Variants in THSD7B observed in about 807,000 individuals in gnomAD.
THSD7B encodes thrombospondin type 1 domain containing 7B, also known as thrombospondin type-1 domain-containing protein 7B.
A neutral mutation model predicts 213.6 loss-of-function variants in THSD7B; 138 were observed. The ratio of observed to expected loss-of-function variants is 0.65; its 90% CI spans 0.56 to 0.74. The LOEUF (loss-of-function observed/expected upper bound fraction) is 0.74, where lower values mean the gene tolerates loss of function less well. Ranked by LOEUF, THSD7B falls within the 30% of genes least tolerant of loss-of-function variation. The pLI is 0.00. For synonymous variants in THSD7B, 742 were observed against 687.0 expected (o/e 1.08, Z -1.25); for missense variants, 1,931 against 1,991.5 (o/e 0.97, Z 0.58).
intron 10 of THSD7B, among the ~76,000 whole-genome samples, chr2:137,245,904 T>C (rs1682021323): frequency 6.6e-6 from 1 of 152,206 alleles, no homozygotes; most frequent in African/African-American, 2.4e-5. Context: ...ATCTTATTAA[T>C]TGCAGATTCT....
intron 3 of THSD7B, among the ~76,000 whole-genome samples, chr2:137,081,038 G>A (rs763121491): frequency 2.0e-5 from 3 of 152,008 alleles, no homozygotes; most frequent in Non-Finnish European, 4.4e-5. Context: ...TTGCAGCCTT[G>A]ATTTGTATAC....
intron 2 of THSD7B, among the ~76,000 whole-genome samples, chr2:136,976,061 G>A (rs1431298999): frequency 3.3e-5 from 5 of 152,190 alleles, no homozygotes. Flanking sequence ...TGCTGAAGGT[G>A]CTTATCAGCT....
At chr2:137,231,545 C>G (rs536730843) in intron 8 of THSD7B, among the ~76,000 whole-genome samples, 7 of 151,948 alleles carry the variant, frequency 4.6e-5, no homozygotes, top group Non-Finnish European at 8.8e-5. Flanking sequence ...TTGATACACA[C>G]CCAAACCAAA....
At chr2:137,009,885 C>T (rs1686194357) in intron 2 of THSD7B, among the ~76,000 whole-genome samples, 1 of 152,218 alleles carries the variant, frequency 6.6e-6, no homozygotes, top group African/African-American at 2.4e-5. Context: ...AGCTCTATGT[C>T]TGGCACACAA....
In THSD7B at chr2:136,852,085, T is replaced by C. The variant is rs556695932; in HGVS notation, c.-35-30059T>C. On this transcript the variant is annotated intron_variant, in intron 1 of 27. Transcript: ENST00000409968. Reference sequence around the variant, plus strand: ...TTAAAATAGATGATCCTGGATTGTTTAAATGGGCCCAATCTAATCAGATGA... The same window carrying C: ...TTAAAATAGATGATCCTGGATTGTTCAAATGGGCCCAATCTAATCAGATGA... Among the ~76,000 whole-genome samples the C allele has an allele frequency of 3.4e-4, 52 of 152,130 alleles. 1 individual carries two copies. The South Asian group carries it at 0.01, about 30-fold the overall frequency.
chr2:137,514,073 T>C (rs1047666335), intron 15 of THSD7B, among the ~76,000 whole-genome samples: 2 of 152,218 alleles, frequency 1.3e-5, no homozygotes, highest in African/African-American at 2.4e-5. Context: ...TGAAAATTGA[T>C]AAATTCCTTG....
intron 7 of THSD7B, among the ~76,000 whole-genome samples, chr2:137,173,513 A>G (rs1680304063): frequency 6.6e-6 from 1 of 152,208 alleles, no homozygotes; most frequent in South Asian, 2.1e-4. Context: ...TTTCTTGCTT[A>G]TTCCTGTGAA....
intron 17 of THSD7B, among the ~76,000 whole-genome samples, chr2:137,588,964 G>C (rs1681805542): frequency 6.6e-6 from 1 of 151,958 alleles, no homozygotes; most frequent in African/African-American, 2.4e-5. Flanking sequence ...ATTTTTAGTA[G>C]AGATGGGGTT....
chr2:137,005,199 T>G (rs1686080218), intron 2 of THSD7B, among the ~76,000 whole-genome samples: 1 of 152,238 alleles, frequency 6.6e-6, no homozygotes, highest in African/African-American at 2.4e-5. Context: ...GTGATTTCAG[T>G]GCTCAGCCAA....
chr2:137,080,674 A>C (rs918331481), intron 3 of THSD7B, among the ~76,000 whole-genome samples: 14 of 152,000 alleles, frequency 9.2e-5, no homozygotes, highest in African/African-American at 3.1e-4. Context: ...CTATAATTTT[A>C]TTCCACTTTT....
chr2:137,196,405 T>C (rs13419866), intron 7 of THSD7B, among the ~76,000 whole-genome samples: 1 of 54,488 alleles, frequency 1.8e-5, no homozygotes. Context: ...TTTTTTTTTG[T>C]GGCTGCCGTT....
intron 17 of THSD7B, among the ~76,000 whole-genome samples, chr2:137,603,615 T>G (rs1682116295): frequency 6.6e-6 from 1 of 152,194 alleles, no homozygotes; most frequent in Non-Finnish European, 1.5e-5. Flanking sequence ...CTTGAAGTAC[T>G]TGACATCCAA....
chr2:137,369,513 T>G (rs1374063292), intron 12 of THSD7B, among the ~76,000 whole-genome samples: 1 of 152,130 alleles, frequency 6.6e-6, no homozygotes, highest in Admixed American at 6.6e-5. Flanking sequence ...AAGAAGAACA[T>G]GGAAATTAAA....
chr2:136,998,336 G>GT (rs1685934690), intron 2 of THSD7B, among the ~76,000 whole-genome samples: 1 of 151,338 alleles, frequency 6.6e-6, no homozygotes, highest in Admixed American at 6.6e-5. Flanking sequence ...CAAATCTAAG[G>GT]TTTTTTTCCC....
At chr2:137,325,202 G>T (rs1406247984) in intron 12 of THSD7B, among the ~76,000 whole-genome samples, 1 of 87,144 alleles carries the variant, frequency 1.1e-5, no homozygotes, top group Non-Finnish European at 2.5e-5. Context: ...TAAGCTTCTG[G>T]TCACAGACAG....
intron 15 of THSD7B, among the ~76,000 whole-genome samples, chr2:137,542,432 T>C (rs1345832097): frequency 6.6e-6 from 1 of 151,628 alleles, no homozygotes; most frequent in Non-Finnish European, 1.5e-5. Context: ...TGATCAGACC[T>C]ACACTAGATA....
chr2:137,380,919 T>C (rs1461762664), intron 12 of THSD7B, among the ~76,000 whole-genome samples: 1 of 152,242 alleles, frequency 6.6e-6, no homozygotes, highest in Admixed American at 6.5e-5. Flanking sequence ...CTGCTAACAC[T>C]GTACATATGG....
chr2:136,978,281 G>T (rs1312016249), intron 2 of THSD7B, among the ~76,000 whole-genome samples: 1 of 152,292 alleles, frequency 6.6e-6, no homozygotes, highest in African/African-American at 2.4e-5. Context: ...TTGGAGTGGA[G>T]AATTTTGCAG....
At chr2:136,985,111 G>A (rs533090953) in intron 2 of THSD7B, among the ~76,000 whole-genome samples, 12 of 152,178 alleles carry the variant, frequency 7.9e-5, no homozygotes, top group Non-Finnish European at 1.5e-4. Flanking sequence ...TAAAAGGGAG[G>A]CAGAGTATAA....
Sources: allele counts gnomAD v4.1 joint callset (sites outside exome capture counted in the v4.1 genomes callset), GRCh38; gene constraint gnomAD v4.1.1; transcripts MANE v1.5; gene names NCBI Gene and HGNC (gene_info 2026-07-23, HGNC 2026-07-21).